SYNE1: variants seen among roughly 807,000 people sequenced by gnomAD.
SYNE1 encodes nesprin-1.
Under a neutral mutation model 1,111.0 loss-of-function variants are expected in SYNE1, and 616 were observed. The ratio of observed to expected loss-of-function variants is 0.55; its 90% CI spans 0.52 to 0.59. The LOEUF is 0.59. Among genes scored for constraint, SYNE1 ranks in the 20% least tolerant of loss-of-function variants. SYNE1 has a pLI of 0.00. For synonymous variants in SYNE1, 3,855 were observed against 3,825.8 expected (o/e 1.01, Z -0.28); for missense variants, 10,006 against 10,417.0 (o/e 0.96, Z 1.72).
intron 130 of SYNE1, among the ~76,000 whole-genome samples, chr6:152,168,629 C>A (rs893227912): frequency 6.6e-6 from 1 of 152,142 alleles, no homozygotes; most frequent in African/African-American, 2.4e-5. Flanking sequence ...TGCAAACAAA[C>A]AAAATGTCCA....
chr6:152,167,470 T>C (rs1049475634), intron 130 of SYNE1, among the ~76,000 whole-genome samples: 5 of 152,166 alleles, frequency 3.3e-5, no homozygotes, highest in Admixed American at 3.3e-4. Flanking sequence ...ATTAAAAAAA[T>C]TCCTGTCATA....
chr6:152,588,480 A>G (rs1565023159), intron 3 of SYNE1, among the ~76,000 whole-genome samples: 1 of 152,232 alleles, frequency 6.6e-6, no homozygotes, highest in African/African-American at 2.4e-5. Context: ...CTCCCTGAGT[A>G]GATGGACAGC....
chr6:152,339,928 C>T (rs546200209), intron 74 of SYNE1, among the ~76,000 whole-genome samples: 5 of 152,170 alleles, frequency 3.3e-5, no homozygotes, highest in East Asian at 1.9e-4. Flanking sequence ...TTTGCAGATG[C>T]GCAGATTCTA....
chr6:152,360,190 T>C (rs2096908490), intron 64 of SYNE1, among the ~76,000 whole-genome samples: 1 of 152,186 alleles, frequency 6.6e-6, no homozygotes, highest in Non-Finnish European at 1.5e-5. Context: ...CGGGATCAAG[T>C]GGAAAATCCT....
rs1462153042 is a variant in SYNE1 at position 152,573,325 on chromosome 6, C to CT, written c.68-33305_68-33304insA. Among the ~76,000 whole-genome samples, 263 of 126,018 alleles carry CT rather than the reference C, an allele frequency of 2.1e-3. 1 individual carries two copies. The highest frequency in any genetic ancestry group is 6.3e-3 in the African/African-American group (206 of 32,544). 82.7% of individuals were successfully genotyped at this position (126,018 alleles called of 152,430 possible). On this transcript the variant is annotated intron_variant, in intron 3 of 145. Transcript: ENST00000367255. Reference sequence around the variant, plus strand: ...TTAGGTATATCTCCTAATGCTATCCCCCCCCCTCCCCCCACCCCACAACAG... The same window carrying CT: ...TTAGGTATATCTCCTAATGCTATCCCTCCCCCCTCCCCCCACCCCACAACAG...
At position 152,132,500 on chromosome 6, in the gene SYNE1, G is replaced by A. The variant is rs1324473680; in HGVS notation, c.26002-286C>T. On this transcript the variant is annotated intron_variant, in intron 143 of 145. Transcript: ENST00000367255. The stretch of plus-strand genomic sequence containing the variant: ...AGCTTTATTATTTCTTGGAGACATG[G>A]ATATGAATGAATTGATATTGGCTTG... 6.6e-5 allele frequency among the ~76,000 whole-genome samples: 10 copies of A among 152,300 alleles called. No homozygotes were observed. In the East Asian group the frequency reaches 1.9e-3, roughly 29 times the overall value.
At chr6:152,196,642 G>C (rs1235758267) in intron 127 of SYNE1, among the ~76,000 whole-genome samples, 1 of 151,792 alleles carries the variant, frequency 6.6e-6, no homozygotes, top group Non-Finnish European at 1.5e-5. Context: ...TAATTGAGTT[G>C]GTATCCAAGT....
intron 128 of SYNE1, among the ~76,000 whole-genome samples, chr6:152,188,985 ATATATATATATATATATATATAT>A (rs1388810203): frequency 2.7e-4 from 4 of 14,804 alleles, no homozygotes; most frequent in African/African-American, 9.0e-4. Context: ...AAAAAAAAAA[ATATATATATATATATATATATAT>A]ATATATATAT....
At chr6:152,304,240 C>G (rs2095304496) in intron 91 of SYNE1, among the ~76,000 whole-genome samples, 1 of 152,204 alleles carries the variant, frequency 6.6e-6, no homozygotes, top group Non-Finnish European at 1.5e-5. Context: ...GAAAAGAGCT[C>G]TAGCAGATTA....
chr6:152,452,476 G>A (rs945441582), intron 25 of SYNE1, among the ~76,000 whole-genome samples: 40 of 152,140 alleles, frequency 2.6e-4, no homozygotes, highest in African/African-American at 9.2e-4. Context: ...AAGTAAAAAG[G>A]ATATTTCTTT....
intron 91 of SYNE1, 130 bp from the exon 92 acceptor site, chr6:152,302,193 T>TA: frequency 8.0e-7 from 1 of 1,248,464 alleles, no homozygotes. Context: ...GCAGGATGTG[T>TA]AGGCGGCGAG....
intron 98 of SYNE1, among the ~76,000 whole-genome samples, chr6:152,271,458 C>T (rs1277494664): frequency 6.6e-6 from 1 of 152,086 alleles, no homozygotes; most frequent in Non-Finnish European, 1.5e-5. Flanking sequence ...AACGGGGGTG[C>T]AATGGTCTAA....
At chr6:152,635,690 T>C (rs2099704793) in intron 2 of SYNE1, among the ~76,000 whole-genome samples, 1 of 152,186 alleles carries the variant, frequency 6.6e-6, no homozygotes, top group Non-Finnish European at 1.5e-5. Context: ...AGACAAAAAA[T>C]GGATGGGCAT....
At chr6:152,628,584 T>C (rs2099690840) in intron 2 of SYNE1, 30 bp from the exon 3 acceptor site, 1 of 470,000 alleles carries the variant, frequency 2.1e-6, no homozygotes, top group East Asian at 3.5e-5. Flanking sequence ...AGGTACAACA[T>C]AAAAAAAAAA....
chr6:152,618,291 C>T (rs567823822), intron 3 of SYNE1, among the ~76,000 whole-genome samples: 7 of 152,248 alleles, frequency 4.6e-5, no homozygotes, highest in South Asian at 4.2e-4. Context: ...GCCATGAATA[C>T]GGAATCAGTG....
intron 14 of SYNE1, among the ~76,000 whole-genome samples, chr6:152,481,902 A>T (rs988267311): frequency 1.3e-5 from 2 of 151,832 alleles, no homozygotes; most frequent in African/African-American, 2.4e-5. Context: ...ACAGATGAAG[A>T]AGACCCCAAA....
chr6:152,416,085 T>C (rs2098149984), intron 41 of SYNE1, among the ~76,000 whole-genome samples: 1 of 152,174 alleles, frequency 6.6e-6, no homozygotes, highest in African/African-American at 2.4e-5. Flanking sequence ...AGGCAGGGAA[T>C]AGTCAATTAC....
At chr6:152,317,884 T>C (rs761642579) in intron 86 of SYNE1, among the ~76,000 whole-genome samples, 197 bp downstream of exon 86, 23 of 152,360 alleles carry the variant, frequency 1.5e-4, no homozygotes, top group Middle Eastern at 3.4e-3. Context: ...CTTTATCATA[T>C]GGCTGGATAT....
At chr6:152,136,176 T>G (rs970530438) in intron 141 of SYNE1, among the ~76,000 whole-genome samples, 9 of 152,214 alleles carry the variant, frequency 5.9e-5, no homozygotes, top group African/African-American at 2.2e-4. Context: ...GCAGAGGCCA[T>G]GCTGTATTCA....
Sources: allele counts gnomAD v4.1 joint callset (sites outside exome capture counted in the v4.1 genomes callset), GRCh38; gene constraint gnomAD v4.1.1; transcripts MANE v1.5; gene names NCBI Gene and HGNC (gene_info 2026-07-23, HGNC 2026-07-21).